ICA1: variants seen among roughly 807,000 people sequenced by gnomAD.
ICA1 encodes the protein islet cell autoantigen 1.
In ICA1, 40 loss-of-function variants were observed where a neutral mutation model predicts 71.0. That is an observed-to-expected ratio of 0.56 (90% CI 0.44 to 0.73). ICA1 has a LOEUF of 0.73. ICA1 is among the 30% of genes least tolerant of loss of function. ICA1 has a pLI of 0.00. For missense variants in ICA1, 578 were observed against 576.5 expected, an observed-to-expected ratio of 1.00 and a Z score of -0.03; for synonymous variants, 207 against 209.5, an observed-to-expected ratio of 0.99 and a Z score of 0.10.
chr7:8,139,205 A>G (rs1220496995), intron 10 of ICA1, among the ~76,000 whole-genome samples, 158 bp from the exon 11 acceptor site: 2 of 152,200 alleles, frequency 1.3e-5, no homozygotes, highest in Non-Finnish European at 2.9e-5. Context: ...GACTCCTGCT[A>G]TCAGCTCTCA....
At chr7:8,252,498 T>C (rs1583868133) in intron 1 of ICA1, among the ~76,000 whole-genome samples, 2 of 152,164 alleles carry the variant, frequency 1.3e-5, no homozygotes, top group South Asian at 2.1e-4. Flanking sequence ...TCTAAGACTA[T>C]GCAGTCCAAT....
intron 4 of ICA1, among the ~76,000 whole-genome samples, chr7:8,228,249 T>C (rs1799222568): frequency 6.6e-6 from 1 of 152,054 alleles, no homozygotes; most frequent in Non-Finnish European, 1.5e-5. Context: ...CTGTCTCTTA[T>C]CTTAAAAGGA....
intron 8 of ICA1, among the ~76,000 whole-genome samples, chr7:8,152,967 T>TTCA (rs1800115765): frequency 6.6e-6 from 1 of 150,948 alleles, no homozygotes; most frequent in South Asian, 2.2e-4. Flanking sequence ...CATCATCTCC[T>TTCA]CCATCACCAC....
chr7:8,167,336 A>C (rs1403735754), intron 6 of ICA1, among the ~76,000 whole-genome samples: 1 of 152,210 alleles, frequency 6.6e-6, no homozygotes, highest in African/African-American at 2.4e-5. Context: ...ACATGGATGC[A>C]GATGGAGGTC....
intron 6 of ICA1, among the ~76,000 whole-genome samples, chr7:8,207,224 G>A (rs1299994596): frequency 2.0e-5 from 3 of 152,154 alleles, no homozygotes; most frequent in African/African-American, 4.8e-5. Flanking sequence ...TTGGATAGAA[G>A]GAGCCAATCA....
rs941502557 is a variant in ICA1 at position 8,153,873 on chromosome 7, A to T, written c.804+3243T>A. On this transcript the variant is annotated intron_variant, in intron 8 of 13. Coordinates refer to ENST00000402384, the MANE Select transcript of ICA1 (RefSeq NM_001136020.3). ...TATATATATATGTAGTAACATTTCA[A>T]TGAATTGATAAATGTTTGTTGTGTG... is the stretch of plus-strand genomic sequence containing the variant. 8.7e-5 allele frequency among the ~76,000 whole-genome samples: 13 copies of T among 149,988 alleles called. No homozygotes were observed. In the East Asian group the frequency reaches 2.5e-3, roughly 29 times the overall value.
At chr7:8,255,539 T>G (rs1290645279) in intron 1 of ICA1, among the ~76,000 whole-genome samples, 1 of 152,204 alleles carries the variant, frequency 6.6e-6, no homozygotes, top group Non-Finnish European at 1.5e-5. Context: ...TGGCTTCAAC[T>G]GCCAGCTGTA....
chr7:8,118,674 C>G (rs570172660), intron 13 of ICA1, among the ~76,000 whole-genome samples: 64 of 152,142 alleles, frequency 4.2e-4, no homozygotes, highest in Non-Finnish European at 8.5e-4. Flanking sequence ...CCAAATAATG[C>G]TGATCATAGA....
At chr7:8,184,634 C>T (rs1463985282) in intron 6 of ICA1, among the ~76,000 whole-genome samples, 1 of 152,034 alleles carries the variant, frequency 6.6e-6, no homozygotes, top group East Asian at 1.9e-4. Flanking sequence ...ATAATTCATA[C>T]TTGAAATAAA....
chr7:8,142,089 G>A (rs979012782), intron 9 of ICA1: 30 of 1,097,696 alleles, frequency 2.7e-5, no homozygotes, highest in South Asian at 5.5e-5. Context: ...TAAGATAGAC[G>A]CATACAGTTA....
chr7:8,221,546 C>G, intron 4 of ICA1, 148 bp from the exon 5 acceptor site: 4 of 786,246 alleles, frequency 5.1e-6, no homozygotes, highest in Non-Finnish European at 8.0e-6. Context: ...GGGTAAGCTC[C>G]CCCTACCCCC....
chr7:8,170,713 G>T (rs537838387), intron 6 of ICA1, among the ~76,000 whole-genome samples: 68 of 151,948 alleles, frequency 4.5e-4, no homozygotes, highest in Non-Finnish European at 9.1e-4. Context: ...TTCTTTTGGA[G>T]ATTCCTTAGA....
At chr7:8,171,670 T>C (rs1808407781) in intron 6 of ICA1, among the ~76,000 whole-genome samples, 1 of 150,896 alleles carries the variant, frequency 6.6e-6, no homozygotes, top group East Asian at 1.9e-4. Flanking sequence ...TTTAATTTGT[T>C]CTTTTTTCCT....
chr7:8,157,498 G>C (rs1318815352), intron 7 of ICA1: 1 of 390,012 alleles, frequency 2.6e-6, no homozygotes, highest in Non-Finnish European at 4.6e-6. Context: ...CCAAAACCCA[G>C]GGTAAATAAT....
intron 6 of ICA1, among the ~76,000 whole-genome samples, chr7:8,176,849 T>C (rs891519940): frequency 6.6e-6 from 1 of 152,236 alleles, no homozygotes; most frequent in Non-Finnish European, 1.5e-5. Context: ...GGTACTGTAT[T>C]TCTATTTCAC....
chr7:8,124,871 C>T (rs1315711428), intron 13 of ICA1, among the ~76,000 whole-genome samples: 1 of 151,986 alleles, frequency 6.6e-6, no homozygotes, highest in African/African-American at 2.4e-5. Context: ...TCACTGCAAC[C>T]TCTACCTCCT....
At chr7:8,258,549 A>G (rs1477194671) in intron 1 of ICA1, among the ~76,000 whole-genome samples, 1 of 152,198 alleles carries the variant, frequency 6.6e-6, no homozygotes, top group East Asian at 1.9e-4. Flanking sequence ...TATCCTCGCA[A>G]TACGGCCAAG....
At chr7:8,188,693 G>A (rs1784620226) in intron 6 of ICA1, among the ~76,000 whole-genome samples, 1 of 152,132 alleles carries the variant, frequency 6.6e-6, no homozygotes, top group Admixed American at 6.5e-5. Context: ...TTTAAACTTG[G>A]GAGTACCAGA....
At chr7:8,186,201 T>C (rs914827511) in intron 6 of ICA1, among the ~76,000 whole-genome samples, 2 of 152,170 alleles carry the variant, frequency 1.3e-5, no homozygotes, top group African/African-American at 4.8e-5. Flanking sequence ...CTGGGATACA[T>C]GGTTTGGCTA....
Sources: allele counts gnomAD v4.1 joint callset (sites outside exome capture counted in the v4.1 genomes callset), GRCh38; gene constraint gnomAD v4.1.1; transcripts MANE v1.5; gene names NCBI Gene and HGNC (gene_info 2026-07-23, HGNC 2026-07-21).